LUZP1: variants seen among roughly 807,000 people sequenced by gnomAD.
LUZP1 encodes leucine zipper protein 1.
In LUZP1, 25 loss-of-function variants were observed where a neutral mutation model predicts 71.3. The observed-to-expected ratio is 0.35, with a 90% CI of 0.26 to 0.49. The LOEUF is 0.49. LUZP1 is among the 20% of genes least tolerant of loss of function. LUZP1 has a pLI of 0.99. For synonymous variants in LUZP1, 481 were observed against 506.4 expected, an observed-to-expected ratio of 0.95 and a Z score of 0.67; for missense variants, 1,142 against 1,300.8, an observed-to-expected ratio of 0.88 and a Z score of 1.88.
At chr1:23,092,766 C>A in exon 4 of LUZP1, 1 of 1,613,996 alleles carries the variant, frequency 6.2e-7, no homozygotes, top group African/African-American at 1.3e-5. Flanking sequence ...TCCCTTCAGT[C>A]CGCTCTCGGT....
At chr1:23,140,286 A>G (rs902971139) in intron 2 of LUZP1, 1 of 152,136 alleles carries the variant, frequency 6.6e-6, no homozygotes, top group Non-Finnish European at 1.5e-5. Context: ...CATGGGTGGA[A>G]GAAAGGGTAC....
At chr1:23,107,754 A>G (rs1643995096) in intron 3 of LUZP1, among the ~76,000 whole-genome samples, 1 of 152,214 alleles carries the variant, frequency 6.6e-6, no homozygotes, top group Admixed American at 6.5e-5. Context: ...AGAGGCAGTG[A>G]GCCAAGATCG....
chr1:23,174,223 C>G (rs1206515580), intron 1 of LUZP1, among the ~76,000 whole-genome samples: 1 of 152,112 alleles, frequency 6.6e-6, no homozygotes, highest in Non-Finnish European at 1.5e-5. Flanking sequence ...GGATTGAGAA[C>G]CAGGAGCTCC....
At chr1:23,157,653 T>G (rs933918715) in intron 2 of LUZP1, among the ~76,000 whole-genome samples, 2 of 151,920 alleles carry the variant, frequency 1.3e-5, no homozygotes, top group African/African-American at 2.4e-5. Flanking sequence ...TAGCCCAGCG[T>G]GGTGGTGGGT....
chr1:23,091,397 C>T, exon 4 of LUZP1: 1 of 1,614,142 alleles, frequency 6.2e-7, no homozygotes, highest in Non-Finnish European at 8.5e-7. Context: ...CTGTGGAAGA[C>T]CTCTGGGTGT....
At position 23,147,612 on chromosome 1, in the gene LUZP1, CAAAAA is replaced by C. The variant is rs774893320; in HGVS notation, c.-226+21149_-226+21153del. 6.6e-3 allele frequency among the ~76,000 whole-genome samples: 405 copies of C among 61,466 alleles called. 2 individuals carry two copies. The highest frequency in any genetic ancestry group is 0.026 in the African/African-American group (388 of 15,052). 40.3% of individuals were successfully genotyped at this position (61,466 alleles called of 152,430 possible). On this transcript the variant is annotated intron_variant, in intron 2 of 4. Coordinates refer to ENST00000302291, the Ensembl canonical transcript of LUZP1. ...AACATAGTAAGACCCAGTCTCTACC[CAAAAA>C]AAAAAAAAAAAAAAAAAAAATTAAA...
intron 2 of LUZP1, among the ~76,000 whole-genome samples, chr1:23,136,199 A>G (rs1393389390): frequency 3.3e-5 from 5 of 151,954 alleles, no homozygotes; most frequent in African/African-American, 1.2e-4. Flanking sequence ...AGAATTAATA[A>G]CGACTAATTT....
intron 2 of LUZP1, among the ~76,000 whole-genome samples, chr1:23,133,225 C>A (rs1215559131): frequency 6.6e-6 from 1 of 152,216 alleles, no homozygotes; most frequent in Non-Finnish European, 1.5e-5. Flanking sequence ...ACGAACAGAT[C>A]TTTCTAAGCT....
At chr1:23,089,147 C>T (rs1378899653) in intron 4 of LUZP1, 94 bp from the exon 4 acceptor site, 11 of 1,219,460 alleles carry the variant, frequency 9.0e-6, no homozygotes, top group Admixed American at 1.9e-5. Context: ...CTTTCCAACC[C>T]AGCAGAGGCA....
At chr1:23,162,442 A>AT (rs549246555) in intron 2 of LUZP1, among the ~76,000 whole-genome samples, 478 of 131,144 alleles carry the variant, frequency 3.6e-3, no homozygotes, top group African/African-American at 7.7e-3. Context: ...ATATACTTTT[A>AT]TTTTTTTTTT....
intron 2 of LUZP1, among the ~76,000 whole-genome samples, chr1:23,145,232 A>T (rs1644332917): frequency 6.6e-6 from 1 of 152,054 alleles, no homozygotes; most frequent in Non-Finnish European, 1.5e-5. Flanking sequence ...GGTGTGCTTA[A>T]ATAAGTTTCT....
intron 2 of LUZP1, among the ~76,000 whole-genome samples, chr1:23,158,238 T>C (rs1243589990): frequency 3.3e-5 from 5 of 152,254 alleles, no homozygotes; most frequent in African/African-American, 7.2e-5. Context: ...CAGTATTTAA[T>C]ATGGTTATTT....
chr1:23,175,342 C>A (rs1333948926), intron 1 of LUZP1, among the ~76,000 whole-genome samples: 2 of 152,156 alleles, frequency 1.3e-5, no homozygotes, highest in East Asian at 3.9e-4. Flanking sequence ...TAAGTGTATA[C>A]CCACCTATTT....
At chr1:23,098,104 TCAGCTGGCTGAA>T (rs1643902699) in intron 3 of LUZP1, among the ~76,000 whole-genome samples, 1 of 152,180 alleles carries the variant, frequency 6.6e-6, no homozygotes, top group Admixed American at 6.5e-5. Flanking sequence ...CCAGTCTTGT[TCAGCTGGCTGAA>T]CAGACAAAAG....
chr1:23,164,927 G>GAAA (rs1557696714), intron 2 of LUZP1, among the ~76,000 whole-genome samples: 1 of 151,620 alleles, frequency 6.6e-6, no homozygotes, highest in Admixed American at 6.6e-5. Context: ...CATTTCAAAA[G>GAAA]AAAAAAAATA....
intron 1 of LUZP1, among the ~76,000 whole-genome samples, chr1:23,174,647 A>T (rs190351541): frequency 1.1e-4 from 16 of 152,236 alleles, no homozygotes; most frequent in African/African-American, 3.9e-4. Flanking sequence ...AATTTTTTAC[A>T]TGTAGAAGTA....
intron 1 of LUZP1, among the ~76,000 whole-genome samples, chr1:23,172,467 T>C (rs2148224741): frequency 6.6e-6 from 1 of 151,848 alleles, no homozygotes; most frequent in South Asian, 2.1e-4. Context: ...GAGACCAACC[T>C]GGGCAACATA....
intron 1 of LUZP1, among the ~76,000 whole-genome samples, chr1:23,176,062 C>CTTTTTTT (rs57669214): frequency 1.5e-5 from 2 of 129,852 alleles, no homozygotes; most frequent in Non-Finnish European, 3.2e-5. Context: ...ACTTCCTTGA[C>CTTTTTTT]TTTTTTTTTT....
chr1:23,106,214 T>C (rs901674837), intron 3 of LUZP1, among the ~76,000 whole-genome samples: 1 of 152,214 alleles, frequency 6.6e-6, no homozygotes, highest in Non-Finnish European at 1.5e-5. Flanking sequence ...TCTCATTCTT[T>C]GATCAATCAA....
Sources: allele counts gnomAD v4.1 joint callset (sites outside exome capture counted in the v4.1 genomes callset), GRCh38; gene constraint gnomAD v4.1.1; transcripts MANE v1.5; gene names NCBI Gene and HGNC (gene_info 2026-07-23, HGNC 2026-07-21).